The following GLIS3 variants were observed in gnomAD, a reference collection of about 807,000 sequenced individuals.
GLIS3 encodes the protein GLIS family zinc finger 3.
In GLIS3, 53 loss-of-function variants were observed where a neutral mutation model predicts 78.6. The observed-to-expected ratio is 0.67, with a 90% CI of 0.54 to 0.85. The LOEUF is 0.85. GLIS3 is among the 40% of genes least tolerant of loss of function. GLIS3 has a pLI of 0.00. For synonymous variants in GLIS3, 684 were observed against 509.9 expected, an observed-to-expected ratio of 1.34 and a Z score of -4.60; for missense variants, 1,703 against 1,231.1, an observed-to-expected ratio of 1.38 and a Z score of -5.74.
chr9:4,074,887 T>G (rs1361721027), intron 4 of GLIS3, among the ~76,000 whole-genome samples: 1 of 152,194 alleles, frequency 6.6e-6, no homozygotes, highest in Non-Finnish European at 1.5e-5. Flanking sequence ...TTCAAGAGGA[T>G]CATCTACCAT....
intron 6 of GLIS3, among the ~76,000 whole-genome samples, chr9:3,916,033 T>C (rs181927009): frequency 2.8e-4 from 43 of 152,316 alleles, no homozygotes; most frequent in African/African-American, 9.6e-4. Flanking sequence ...ACAAGTCTTC[T>C]AGTCCATGTA....
intron 2 of GLIS3, among the ~76,000 whole-genome samples, chr9:4,248,630 G>C (rs773894372): frequency 1.3e-5 from 2 of 152,148 alleles, no homozygotes; most frequent in East Asian, 1.9e-4. Context: ...GGGTCAAATG[G>C]TATTTCTGGT....
intron 2 of GLIS3, among the ~76,000 whole-genome samples, chr9:4,337,089 T>A (rs190661691): frequency 4.9e-4 from 75 of 152,184 alleles, no homozygotes; most frequent in African/African-American, 1.6e-3. Flanking sequence ...ATACTCAGAG[T>A]TGGTAGTGTC....
At chr9:4,437,163 G>A in the GLIS3 span, among the ~76,000 whole-genome samples, 6 of 152,154 alleles carry the variant, frequency 3.9e-5, no homozygotes, top group African/African-American at 9.7e-5. Flanking sequence ...CTATGAAAGT[G>A]TATTTGAATC....
At chr9:4,487,520 A>T in the GLIS3 span, among the ~76,000 whole-genome samples, 1 of 152,106 alleles carries the variant, frequency 6.6e-6, no homozygotes, top group East Asian at 1.9e-4. Context: ...AAGCCTAAAT[A>T]CTTTACCCCG....
At chr9:4,323,091 T>C (rs1817561797) in intron 2 of GLIS3, among the ~76,000 whole-genome samples, 1 of 152,204 alleles carries the variant, frequency 6.6e-6, no homozygotes, top group Admixed American at 6.5e-5. Context: ...AATTTTTGTA[T>C]AAGGTGTAAG....
At chr9:4,105,821 G>A (rs1830707462) in intron 4 of GLIS3, among the ~76,000 whole-genome samples, 2 of 152,216 alleles carry the variant, frequency 1.3e-5, no homozygotes, top group South Asian at 2.1e-4. Context: ...CAAAACCAGA[G>A]TCACAATCTA....
chr9:4,312,408 C>T (rs568978268), intron 2 of GLIS3, among the ~76,000 whole-genome samples: 3 of 152,136 alleles, frequency 2.0e-5, no homozygotes, highest in Admixed American at 6.5e-5. Flanking sequence ...TGGGAGGTTG[C>T]AGTAAGCTGA....
chr9:4,421,883 G>C, the GLIS3 span, among the ~76,000 whole-genome samples: 1 of 152,186 alleles, frequency 6.6e-6, no homozygotes, highest in African/African-American at 2.4e-5. Flanking sequence ...GCATGGATCA[G>C]CTTCAGGGAG....
intron 2 of GLIS3, among the ~76,000 whole-genome samples, chr9:4,263,504 C>T (rs2130049240): frequency 1.2e-5 from 1 of 84,286 alleles, no homozygotes; most frequent in East Asian, 2.7e-4. Context: ...GCAAAGATTG[C>T]ATTGAGGCCA....
rs150424712 is a variant in GLIS3, at chr9:4,080,068, G to A, written c.1710+37700C>T. 4.5e-3 allele frequency among the ~76,000 whole-genome samples: 681 copies of A among 152,322 alleles called. 7 individuals are homozygous for A. The highest frequency in any genetic ancestry group is 0.015 in the African/African-American group (638 of 41,578). ...ATGCTATTGTAAAAGTGTTTGTGCA[G>A]GAATCTGCCTGCTTGTCAAATTCAA... On this transcript the variant is annotated intron_variant, in intron 4 of 10. Transcript: ENST00000381971.
chr9:4,104,377 T>C (rs1001967483), intron 4 of GLIS3, among the ~76,000 whole-genome samples: 16 of 152,140 alleles, frequency 1.1e-4, no homozygotes, highest in African/African-American at 3.9e-4. Context: ...CTACCTATGT[T>C]TAGATAGCCA....
At chr9:4,268,204 T>A (rs1047124494) in intron 2 of GLIS3, among the ~76,000 whole-genome samples, 2 of 151,506 alleles carry the variant, frequency 1.3e-5, no homozygotes, top group Admixed American at 1.3e-4. Context: ...CCTTAGTTTT[T>A]TCATTTGTAA....
At chr9:4,358,305 T>A in the GLIS3 span, among the ~76,000 whole-genome samples, 1 of 147,172 alleles carries the variant, frequency 6.8e-6, no homozygotes, top group Non-Finnish European at 1.5e-5. Context: ...AACCATGGCC[T>A]AGTATCACTT....
chr9:4,409,129 T>C, the GLIS3 span, among the ~76,000 whole-genome samples: 1 of 152,208 alleles, frequency 6.6e-6, no homozygotes, highest in South Asian at 2.1e-4. Flanking sequence ...TGTAATCCTG[T>C]TAAATTTCTT....
chr9:4,328,417 C>G (rs368303393), intron 2 of GLIS3, among the ~76,000 whole-genome samples: 3 of 152,164 alleles, frequency 2.0e-5, no homozygotes, highest in Admixed American at 6.5e-5. Flanking sequence ...ACAGGGAGCA[C>G]TAAGTGGAAT....
intron 7 of GLIS3, among the ~76,000 whole-genome samples, chr9:3,887,507 G>A (rs1239978753): frequency 2.0e-5 from 3 of 152,188 alleles, no homozygotes; most frequent in East Asian, 1.9e-4. Context: ...ATTTATTGAT[G>A]TCTGGACAGC....
intron 2 of GLIS3, among the ~76,000 whole-genome samples, chr9:4,338,085 T>A (rs542406029): frequency 6.6e-6 from 1 of 151,586 alleles, no homozygotes; most frequent in East Asian, 2.0e-4. Flanking sequence ...ATGCAAAAAC[T>A]GTATTTGTCC....
intron 2 of GLIS3, among the ~76,000 whole-genome samples, chr9:4,213,929 A>C (rs1157774011): frequency 0.12 from 373 of 2,996 alleles, 1 homozygote; most frequent in Non-Finnish European, 0.27. Context: ...CACAGAAGCA[A>C]AAAAAAAAAA....
Sources: allele counts gnomAD v4.1 joint callset (sites outside exome capture counted in the v4.1 genomes callset), GRCh38; gene constraint gnomAD v4.1.1; transcripts MANE v1.5; gene names NCBI Gene and HGNC (gene_info 2026-07-23, HGNC 2026-07-21).